CCDC178: variants seen among roughly 807,000 people sequenced by gnomAD.
CCDC178 encodes the protein coiled-coil domain containing 178, also known as coiled-coil domain-containing protein 178.
In CCDC178, 126 loss-of-function variants were observed where a neutral mutation model predicts 117.4. That is an observed-to-expected ratio of 1.07 (90% CI 0.93 to 1.24). CCDC178 has a LOEUF of 1.24. Among genes scored for constraint, CCDC178 ranks in the 50% most tolerant of loss-of-function variants. The probability of loss-of-function intolerance (pLI) is 0.00; values close to 1 mark genes in which losing one functional copy is unlikely to be tolerated. For synonymous variants in CCDC178, 283 were observed against 313.4 expected (o/e 0.90, Z 1.02); for missense variants, 1,030 against 986.9 (o/e 1.04, Z -0.59).
intron 22 of CCDC178, among the ~76,000 whole-genome samples, chr18:32,961,886 G>C (rs1315924700): frequency 6.6e-6 from 1 of 152,074 alleles, no homozygotes; most frequent in Non-Finnish European, 1.5e-5. Context: ...ATGCTTTTTA[G>C]TGGGAGATTT....
chr18:33,215,864 AGC>A (rs2059159660), intron 18 of CCDC178, among the ~76,000 whole-genome samples, 169 bp from the exon 19 acceptor site: 1 of 152,030 alleles, frequency 6.6e-6, no homozygotes, highest in Non-Finnish European at 1.5e-5. Context: ...AAGCAGGAGG[AGC>A]CAGGAGTTCA....
At chr18:32,947,003 A>T (rs918445426) in intron 22 of CCDC178, among the ~76,000 whole-genome samples, 8 of 151,798 alleles carry the variant, frequency 5.3e-5, no homozygotes, top group Non-Finnish European at 8.8e-5. Context: ...GACGGTGTCG[A>T]TCTCCTGACC....
chr18:33,094,810 C>T lies in CCDC178; in HGVS notation c.2239-1900G>A, dbSNP rs12960234. Among the ~76,000 whole-genome samples the T allele has an allele frequency of 5.1e-3, 779 of 152,044 alleles. 5 individuals carry two copies. Among genetic ancestry groups the T allele is most frequent in the Non-Finnish European group, 8.4e-3 (569 of 67,876 alleles). On this transcript the variant is annotated intron_variant, in intron 20 of 22. Coordinates refer to ENST00000383096, the MANE Select transcript of CCDC178 (RefSeq NM_001105528.4). ...TTGTGTAGTTATGCCAGTAAATCTT[C>T]AAAACGTTACATCAGTCACAATATT...
intron 11 of CCDC178, among the ~76,000 whole-genome samples, chr18:33,313,996 C>A (rs990752387): frequency 6.6e-6 from 1 of 151,040 alleles, no homozygotes; most frequent in Non-Finnish European, 1.5e-5. Context: ...GTCAGGAGAT[C>A]GAGACCATCC....
intron 10 of CCDC178, among the ~76,000 whole-genome samples, chr18:33,330,063 T>C (rs1312298051): frequency 1.3e-5 from 2 of 151,762 alleles, no homozygotes; most frequent in African/African-American, 4.8e-5. Flanking sequence ...CCATTTTATC[T>C]AGGTTATCTA....
chr18:33,005,458 G>T (rs188217977), intron 21 of CCDC178, among the ~76,000 whole-genome samples: 1 of 151,960 alleles, frequency 6.6e-6, no homozygotes, highest in East Asian at 1.9e-4. Context: ...GTTACCAAAG[G>T]CTAGGAAGGT....
intron 11 of CCDC178, among the ~76,000 whole-genome samples, chr18:33,309,714 T>A (rs118122005): frequency 0.01 from 1,547 of 152,224 alleles, 14 homozygotes; most frequent in Middle Eastern, 0.048. Context: ...CTGTAAGTTG[T>A]GTCTTATTGA....
chr18:33,185,864 T>C (rs1295631655), intron 20 of CCDC178, among the ~76,000 whole-genome samples: 1 of 151,986 alleles, frequency 6.6e-6, no homozygotes, highest in Non-Finnish European at 1.5e-5. Flanking sequence ...ATTTTCTTGC[T>C]CTGGTGGTTC....
Position 33,317,301 on chromosome 18 carries a change from C to T in CCDC178, c.1022+6190G>A, listed in dbSNP as rs1248017393. ...AACTCCAGACGTGTGGCCTTAAGAG[C>T]TGTGACATTCACCGTGAAGGCCTGT... On this transcript the variant is annotated intron_variant, in intron 11 of 22. Transcript: ENST00000383096. Among the ~76,000 whole-genome samples, 6 of 152,210 alleles carry T rather than the reference C, an allele frequency of 3.9e-5. No individual in the cohort carries two copies. The South Asian group carries it at 1.2e-3, about 32-fold the overall frequency.
At chr18:33,141,975 A>C (rs188595234) in intron 20 of CCDC178, among the ~76,000 whole-genome samples, 5 of 152,282 alleles carry the variant, frequency 3.3e-5, no homozygotes, top group Admixed American at 1.3e-4. Context: ...AACATTATTG[A>C]CCCACTGTAC....
chr18:33,113,125 A>T (rs779456834), intron 20 of CCDC178, among the ~76,000 whole-genome samples: 7 of 152,038 alleles, frequency 4.6e-5, no homozygotes, highest in Non-Finnish European at 1.0e-4. Context: ...AAGAAAACAC[A>T]TGCTCAATTA....
At chr18:33,112,586 A>G (rs1171968309) in intron 20 of CCDC178, among the ~76,000 whole-genome samples, 1 of 151,926 alleles carries the variant, frequency 6.6e-6, no homozygotes, top group Admixed American at 6.6e-5. Flanking sequence ...TTTTCCTGAA[A>G]GATAAAGTGA....
intron 21 of CCDC178, among the ~76,000 whole-genome samples, chr18:33,085,436 G>A (rs1448592375): frequency 6.6e-6 from 1 of 152,060 alleles, no homozygotes; most frequent in Non-Finnish European, 1.5e-5. Context: ...GGTGGCGGGC[G>A]CCTGTAGTCC....
At chr18:33,204,881 C>A (rs1005098353) in intron 20 of CCDC178, among the ~76,000 whole-genome samples, 1 of 151,778 alleles carries the variant, frequency 6.6e-6, no homozygotes, top group Non-Finnish European at 1.5e-5. Flanking sequence ...ATGGTAAAAA[C>A]AATAACAGCA....
intron 2 of CCDC178, 119 bp downstream of exon 2, chr18:33,439,843 A>ACAC (rs2064353668): frequency 6.6e-6 from 1 of 152,226 alleles, no homozygotes; most frequent in Non-Finnish European, 1.5e-5. Context: ...TGTCAAGAAA[A>ACAC]CAATAATAGA....
chr18:33,399,281 T>C (rs145247645), intron 3 of CCDC178, among the ~76,000 whole-genome samples: 272 of 152,334 alleles, frequency 1.8e-3, no homozygotes, highest in African/African-American at 6.3e-3. Context: ...TGCCTCAATG[T>C]TGATGGCTGC....
chr18:33,266,394 G>C (rs2059814635), intron 14 of CCDC178, among the ~76,000 whole-genome samples: 1 of 151,634 alleles, frequency 6.6e-6, no homozygotes. Context: ...CATTCACTAT[G>C]GGTCTTGGAA....
chr18:33,311,119 GGA>G (rs2062335824), intron 11 of CCDC178, among the ~76,000 whole-genome samples: 1 of 152,084 alleles, frequency 6.6e-6, no homozygotes, highest in South Asian at 2.1e-4. Flanking sequence ...ATCCTAACTG[GGA>G]AGATGTTCAG....
intron 20 of CCDC178, among the ~76,000 whole-genome samples, chr18:33,182,494 C>T (rs915057391): frequency 3.9e-5 from 6 of 151,906 alleles, no homozygotes; most frequent in Non-Finnish European, 7.4e-5. Context: ...TTTTTAAAAT[C>T]TCACTCTTTA....
Sources: gnomAD v4.1 joint callset for allele counts (sites outside exome capture counted in the v4.1 genomes callset) on GRCh38, gnomAD v4.1.1 for gene constraint, MANE v1.5 for transcripts, NCBI Gene and HGNC (gene_info 2026-07-23, HGNC 2026-07-21) for gene names.